ADGRF3: variants seen among roughly 807,000 people sequenced by gnomAD.
The protein encoded by ADGRF3 is adhesion G protein-coupled receptor F3.
ADGRF3 carries 85 observed loss-of-function variants against 93.2 expected under a neutral mutation model. That is an observed-to-expected ratio of 0.91 (90% CI 0.77 to 1.09). ADGRF3 has a LOEUF of 1.09. Ranked by LOEUF, ADGRF3 falls within the 50% of genes least tolerant of loss-of-function variation. ADGRF3 has a pLI of 0.00. For synonymous variants in ADGRF3, 534 were observed against 532.5 expected (o/e 1.00, Z -0.04); for missense variants, 1,125 against 1,246.2 (o/e 0.90, Z 1.46).
At chr2:26,318,239 T>G (rs11900855) in intron 1 of ADGRF3, 22,898 of 627,910 alleles carry the variant, frequency 0.036, 1,970 homozygotes, top group African/African-American at 0.26. Flanking sequence ...TATATGCACC[T>G]GCGTGTGCGT....
intron 1 of ADGRF3, among the ~76,000 whole-genome samples, chr2:26,340,896 A>T (rs1676354995): frequency 6.6e-6 from 1 of 152,340 alleles, no homozygotes; most frequent in East Asian, 1.9e-4. Flanking sequence ...GGTTATAACA[A>T]AGAAACAATC....
chr2:26,317,355 C>G (rs1358074998), intron 2 of ADGRF3, 141 bp downstream of exon 2: 1 of 797,240 alleles, frequency 1.3e-6, no homozygotes, highest in Non-Finnish European at 2.0e-6. Flanking sequence ...CAGACCTGTC[C>G]GACTGTGATC....
chr2:26,336,523 C>T (rs570316376), intron 1 of ADGRF3, among the ~76,000 whole-genome samples: 2 of 151,656 alleles, frequency 1.3e-5, no homozygotes, highest in Admixed American at 6.6e-5. Flanking sequence ...GTCAGGAGTT[C>T]GAGACCAGCC....
In ADGRF3 at chr2:26,311,806, G is replaced by A. The variant is rs1202978442; in HGVS notation, c.1718C>T (p.Ser573Leu). 2 of 1,613,780 alleles carry A rather than the reference G, an allele frequency of 1.2e-6. No homozygotes were observed. The highest frequency in any genetic ancestry group is 2.2e-5 in the East Asian group (1 of 44,896). The change falls in exon 10 of 14, where the codon TCA becomes TTA. Residue 573 changes from serine (S) to leucine (L), a missense_variant. Physicochemically the swap from Ser to Leu is moderately radical, Grantham distance 145. Coordinates refer to ENST00000651242, the MANE Select transcript of ADGRF3 (RefSeq NM_001321971.2). ...TCCATTACGGACCAATGGGGCCAGT[G>A]AGTGCCTGGGAATCTGAGCCTGCAG... Reference protein sequence around the residue: ...PPLQAQIPRHSLAPLVRNGTE... With the variant: ...PPLQAQIPRHLLAPLVRNGTE...
At position 26,311,581 on chromosome 2, in the gene ADGRF3, A is replaced by G. The variant is rs757389426; in HGVS notation, c.1943T>C (p.Val648Ala). ...CTGGAAGAGACTGTGATCCCAGAAGACACAGTGAGGGGAACCATCTGTGTT... is the reference window on the plus strand; with the variant it reads ...CTGGAAGAGACTGTGATCCCAGAAGGCACAGTGAGGGGAACCATCTGTGTT... The part of the protein sequence containing the change: ...FGNTDGSPHC[V>A]FWDHSLFQGR... Residue 648 changes from valine to alanine, a missense_variant, in exon 10 of 14, where the codon GTC becomes GCC. By Grantham distance (64) the Val-to-Ala change is moderately conservative. Transcript: ENST00000651242. 8.7e-6 allele frequency: 14 copies of G among 1,613,884 alleles called. No individual in the cohort carries two copies. Among genetic ancestry groups the G allele is most frequent in the Non-Finnish European group, 2.5e-6 (3 of 1,179,886 alleles).
intron 1 of ADGRF3, chr2:26,319,220 T>TG (rs1331381783): frequency 1.5e-6 from 1 of 647,148 alleles, no homozygotes; most frequent in African/African-American, 1.8e-5. Flanking sequence ...CAGGTCACTG[T>TG]GGGGGCCACC....
chr2:26,312,545 A>C (rs1041918277), intron 9 of ADGRF3, among the ~76,000 whole-genome samples: 1 of 152,174 alleles, frequency 6.6e-6, no homozygotes, highest in Non-Finnish European at 1.5e-5. Flanking sequence ...GCCCTTTGTT[A>C]CACTTTTGGC....
chr2:26,309,638 C>T, intron 12 of ADGRF3, 57 bp from the exon 13 acceptor site: 1 of 1,582,438 alleles, frequency 6.3e-7, no homozygotes, highest in Non-Finnish European at 8.6e-7. Context: ...GTCAACTCTC[C>T]CTTGAAGAGG....
intron 3 of ADGRF3, 65 bp downstream of exon 3, chr2:26,316,847 T>G: frequency 6.6e-7 from 1 of 1,513,550 alleles, no homozygotes; most frequent in Non-Finnish European, 8.9e-7. Context: ...TCAGGCAAGC[T>G]GGCTGCAGGA....
At position 26,346,510 on chromosome 2, in the gene ADGRF3, T is replaced by A. The variant is rs1676768138; in HGVS notation, c.-276A>T. On this transcript the variant is annotated 5_prime_UTR_variant, in exon 1 of 14. It introduces an in-frame stop codon into an upstream open reading frame of the 5' UTR. Transcript: ENST00000651242. ...GTCGGCACCCCCCGGGAGATTTCCTTTTCCTTAGGAGAGCGCTCAGTGATC... is the reference window on the plus strand; with the variant it reads ...GTCGGCACCCCCCGGGAGATTTCCTATTCCTTAGGAGAGCGCTCAGTGATC... The A allele has an allele frequency of 2.0e-6, 1 of 504,822 alleles. No homozygotes were observed. The highest frequency in any genetic ancestry group is 2.9e-5 in the South Asian group (1 of 34,500). The allele number at this position is 504,822 out of a possible 1,614,324, so 31.3% of individuals were successfully genotyped here.
intron 1 of ADGRF3, among the ~76,000 whole-genome samples, chr2:26,331,905 A>T (rs1220420600): frequency 1.3e-5 from 2 of 152,094 alleles, no homozygotes; most frequent in African/African-American, 4.8e-5. Context: ...GATAAGTTTA[A>T]ATCTGTTGTC....
chr2:26,334,635 T>C (rs1317403093), intron 1 of ADGRF3, among the ~76,000 whole-genome samples: 1 of 152,210 alleles, frequency 6.6e-6, no homozygotes, highest in Non-Finnish European at 1.5e-5. Context: ...GATGTTCACA[T>C]TGAGTCCCTT....
chr2:26,338,912 C>T (rs879595934), intron 1 of ADGRF3, among the ~76,000 whole-genome samples: 36 of 148,024 alleles, frequency 2.4e-4, no homozygotes, highest in East Asian at 6.2e-4. Context: ...CTGGGGTGGG[C>T]GGATCACAAA....
In ADGRF3 at chr2:26,311,645, G is replaced by C. The variant is rs200489407; in HGVS notation, c.1879C>G (p.Arg627Gly). ...VLVISIMAGD[R>G]AFSQGEVIMD... The stretch of plus-strand genomic sequence containing the variant: ...ATGACCTCTCCCTGGCTGAAGGCCC[G>C]GTCACCTGCCATGATGGAAATGACA... The change falls in exon 10 of 14, where the codon CGG becomes GGG. Residue 627 changes from arginine to glycine, a missense_variant. Physicochemically the swap from Arg to Gly is moderately radical, Grantham distance 125. Transcript: ENST00000651242. 2.5e-6 allele frequency: 4 copies of C among 1,613,264 alleles called. No individual in the cohort carries two copies. Among genetic ancestry groups the C allele is most frequent in the South Asian group, 1.1e-5 (1 of 91,084 alleles).
chr2:26,314,299 C>G (rs1674455272), intron 6 of ADGRF3, 115 bp downstream of exon 6: 1 of 964,292 alleles, frequency 1.0e-6, no homozygotes, highest in South Asian at 1.7e-5. Context: ...GCCTTGGACC[C>G]CACTCTCTGG....
At chr2:26,309,156 C>A (rs528374982) in intron 13 of ADGRF3, 49 bp from the exon 14 acceptor site, 1 of 1,614,018 alleles carries the variant, frequency 6.2e-7, no homozygotes, top group South Asian at 1.1e-5. Flanking sequence ...CCAACTTCTG[C>A]AGGCTGCCCT....
chr2:26,313,290 T>G, intron 8 of ADGRF3, 87 bp downstream of exon 8: 1 of 1,439,680 alleles, frequency 6.9e-7, no homozygotes, highest in Non-Finnish European at 9.3e-7. Flanking sequence ...GGGCTGGGCC[T>G]TGGGGAAAAG....
At chr2:26,319,528 C>G (rs912181590) in intron 1 of ADGRF3, among the ~76,000 whole-genome samples, 1 of 77,076 alleles carries the variant, frequency 1.3e-5, no homozygotes, top group African/African-American at 3.6e-5. Flanking sequence ...TCCCTCCCTC[C>G]CTTCCTTCCC....
intron 7 of ADGRF3, 87 bp from the exon 8 acceptor site, chr2:26,313,660 C>CT: frequency 6.4e-7 from 1 of 1,569,142 alleles, no homozygotes; most frequent in South Asian, 1.2e-5. Flanking sequence ...GCCCCGAAGC[C>CT]TGGTCCTGTT....
Sources: gnomAD v4.1 joint callset for allele counts (sites outside exome capture counted in the v4.1 genomes callset) on GRCh38, gnomAD v4.1.1 for gene constraint, MANE v1.5 for transcripts, NCBI Gene and HGNC (gene_info 2026-07-23, HGNC 2026-07-21) for gene names.